Variants in MBNL2 observed in about 807,000 individuals in gnomAD.
MBNL2 encodes the protein muscleblind like splicing regulator 2.
A neutral mutation model predicts 41.9 loss-of-function variants in MBNL2; 17 were observed. The ratio of observed to expected loss-of-function variants is 0.41; its 90% confidence interval spans 0.28 to 0.61. The LOEUF (loss-of-function observed/expected upper bound fraction) is 0.61, where lower values mean the gene tolerates loss of function less well. Among genes scored for constraint, MBNL2 ranks in the 20% least tolerant of loss-of-function variants. The pLI is 0.35. For synonymous variants in MBNL2, 195 were observed against 182.9 expected (o/e 1.07, Z -0.53); for missense variants, 336 against 505.6 (o/e 0.66, Z 3.22).
intron 1 of MBNL2, among the ~76,000 whole-genome samples, chr13:97,237,143 G>A (rs142759330): frequency 0.011 from 1,660 of 152,318 alleles, 14 homozygotes; most frequent in Middle Eastern, 0.024. Flanking sequence ...TTTGAATCCC[G>A]GGGTCCCGTA....
intron 1 of MBNL2, among the ~76,000 whole-genome samples, chr13:97,271,173 T>C (rs1335484338): frequency 6.8e-6 from 1 of 147,210 alleles, no homozygotes. Flanking sequence ...CAGGCTGGAG[T>C]GCAGTGGCGC....
chr13:97,375,111 C>G (rs541105076), intron 8 of MBNL2, among the ~76,000 whole-genome samples: 45 of 152,126 alleles, frequency 3.0e-4, no homozygotes, highest in Non-Finnish European at 5.6e-4. Flanking sequence ...ACGGACAAAC[C>G]CAAGACTGAG....
chr13:97,256,138 G>T (rs1306593887), intron 1 of MBNL2, among the ~76,000 whole-genome samples: 1 of 152,172 alleles, frequency 6.6e-6, no homozygotes, highest in African/African-American at 2.4e-5. Context: ...TTGCAAGGCT[G>T]ACAGAACAGT....
At chr13:97,248,567 A>G (rs1025814739) in intron 1 of MBNL2, among the ~76,000 whole-genome samples, 1 of 152,252 alleles carries the variant, frequency 6.6e-6, no homozygotes, top group African/African-American at 2.4e-5. Flanking sequence ...TGAGCCAACC[A>G]TTCCCAAAAC....
At chr13:97,231,705 A>G (rs984582832) in intron 1 of MBNL2, among the ~76,000 whole-genome samples, 6 of 152,076 alleles carry the variant, frequency 3.9e-5, no homozygotes, top group African/African-American at 1.2e-4. Flanking sequence ...CGAGACGTCT[A>G]TCTTCTCAGT....
intron 1 of MBNL2, among the ~76,000 whole-genome samples, chr13:97,234,897 C>A (rs1399504990): frequency 6.6e-6 from 1 of 152,222 alleles, no homozygotes; most frequent in African/African-American, 2.4e-5. Flanking sequence ...TAGAGACACA[C>A]TTCGCCATCA....
chr13:97,359,430 A>G (rs2063230203), intron 7 of MBNL2, among the ~76,000 whole-genome samples: 1 of 152,210 alleles, frequency 6.6e-6, no homozygotes, highest in African/African-American at 2.4e-5. Flanking sequence ...CCTCCAGCAC[A>G]TGTTTAACTC....
chr13:97,321,863 C>G (rs1158899686), intron 2 of MBNL2, among the ~76,000 whole-genome samples: 1 of 152,098 alleles, frequency 6.6e-6, no homozygotes, highest in African/African-American at 2.4e-5. Context: ...AGCTGTATGC[C>G]CATGGAAAGT....
chr13:97,322,464 T>C (rs2059585699), intron 2 of MBNL2, among the ~76,000 whole-genome samples: 1 of 152,174 alleles, frequency 6.6e-6, no homozygotes, highest in African/African-American at 2.4e-5. Context: ...TGGGGTTACA[T>C]CAGAAAAACC....
intron 8 of MBNL2, among the ~76,000 whole-genome samples, chr13:97,390,125 A>T (rs909566419): frequency 2.6e-4 from 40 of 152,162 alleles, no homozygotes; most frequent in South Asian, 2.1e-4. Context: ...TTAAGTTTCC[A>T]TTTACTATAA....
chr13:97,347,040 G>GGCAGCC lies in MBNL2; in HGVS notation c.780_785dup (p.Ala264_Ala265dup). On this transcript the variant is annotated inframe_insertion, in exon 5 of 9. Coordinates refer to ENST00000679496, the MANE Select transcript of MBNL2 (RefSeq NM_001382683.1). ...CCAACCAAGCTGCGGTGGCCGCCCA[G>GGCAGCC]GCAGCCGCGGCCGCGGCCACAGTCA... 6.2e-7 allele frequency: 1 copy of GGCAGCC among 1,609,054 alleles called. No individual in the cohort carries two copies. The highest frequency in any genetic ancestry group is 1.7e-5 in the Admixed American group (1 of 59,634).
Position 97,312,549 on chromosome 13 carries a change from A to G in MBNL2, c.175-21727A>G, listed in dbSNP as rs140073051. Among the ~76,000 whole-genome samples, 46 of 152,316 alleles carry G rather than the reference A, an allele frequency of 3.0e-4. 1 individual carries two copies. Among genetic ancestry groups the G allele is most frequent in the African/African-American group, 1.1e-3 (44 of 41,582 alleles). On this transcript the variant is annotated intron_variant, in intron 2 of 8. Transcript: ENST00000679496. The stretch of plus-strand genomic sequence containing the variant: ...ATTCCTGGATCATGAAGAATAGGAA[A>G]TATCTCCAAGAAACGAGTCTATAAT...
At chr13:97,224,031 C>A (rs946383012) in intron 1 of MBNL2, among the ~76,000 whole-genome samples, 1 of 152,192 alleles carries the variant, frequency 6.6e-6, no homozygotes, top group African/African-American at 2.4e-5. Context: ...AAACCTGTCC[C>A]CTCATAAATA....
chr13:97,290,449 G>T (rs1190746254), intron 2 of MBNL2, among the ~76,000 whole-genome samples: 4 of 152,010 alleles, frequency 2.6e-5, no homozygotes, highest in African/African-American at 9.7e-5. Context: ...GGTCGAGGCG[G>T]GTGGATCATG....
At chr13:97,310,047 G>A (rs1309073197) in intron 2 of MBNL2, among the ~76,000 whole-genome samples, 1 of 152,206 alleles carries the variant, frequency 6.6e-6, no homozygotes, top group Non-Finnish European at 1.5e-5. Context: ...TAGGAGGGTG[G>A]TAAGGACAGA....
intron 1 of MBNL2, among the ~76,000 whole-genome samples, chr13:97,252,722 C>T (rs1381563512): frequency 6.6e-6 from 1 of 151,998 alleles, no homozygotes. Flanking sequence ...ATTTAGTTAT[C>T]TCATTTCTGG....
In MBNL2 at chr13:97,334,229, T is replaced by G. The variant is rs752189587; in HGVS notation, c.175-47T>G. 2.0e-6 allele frequency: 3 copies of G among 1,502,632 alleles called. No homozygotes were observed. The East Asian group carries it at 6.9e-5, about 34-fold the overall frequency. The allele number at this position is 1,502,632 out of a possible 1,614,324, so 93.1% of individuals were successfully genotyped here. A position where few individuals can be genotyped will look rare whatever the true frequency, so the allele number is the denominator to read the frequency against. ...GATTGTTCAGTGGTTGACTTTGGAG[T>G]TGCAAGCTACTTAAAATAGTCCTAA... On this transcript the variant is annotated intron_variant, in intron 2 of 8. Coordinates refer to ENST00000679496, the MANE Select transcript of MBNL2 (RefSeq NM_001382683.1). This position sits in a 1 kb window ranked among gnomAD's most constrained non-coding sequence, Gnocchi z 5.3.
chr13:97,238,460 T>C (rs1419390287), intron 1 of MBNL2, among the ~76,000 whole-genome samples: 1 of 152,214 alleles, frequency 6.6e-6, no homozygotes, highest in Non-Finnish European at 1.5e-5. Flanking sequence ...GATCATGCTA[T>C]TCACTGTGTC....
Position 97,334,363 on chromosome 13 carries a change from A to G in MBNL2, c.262A>G (p.Ile88Val), listed in dbSNP as rs1301482787. 6.2e-7 allele frequency: 1 copy of G among 1,613,878 alleles called. No homozygotes were observed. Among genetic ancestry groups the G allele is most frequent in the South Asian group, 1.1e-5 (1 of 91,022 alleles). ...QLEINGRNNL[I>V]QQKTAAAMLA... ...AGAAATTAATGGAAGGAACAATTTG[A>G]TTCAGCAAAAAACTGCAGCAGCAAT... is the stretch of plus-strand genomic sequence containing the variant. The change falls in exon 3 of 9, where the codon ATT becomes GTT. Residue 88 changes from isoleucine (I) to valine (V), a missense_variant. Transcript: ENST00000679496. This position sits in a 1 kb window ranked among gnomAD's most constrained non-coding sequence, Gnocchi z 5.3.
Sources: allele counts gnomAD v4.1 joint callset (sites outside exome capture counted in the v4.1 genomes callset), GRCh38; gene constraint gnomAD v4.1.1; non-coding constraint Gnocchi (gnomAD v3.1); transcripts MANE v1.5; gene names NCBI Gene and HGNC (gene_info 2026-07-23, HGNC 2026-07-21).